The following ZBTB20 variants were observed in gnomAD, a reference collection of about 807,000 sequenced individuals.
ZBTB20 encodes the protein zinc finger and BTB domain containing 20, also known as zinc finger and BTB domain-containing protein 20.
In ZBTB20, 9 loss-of-function variants were observed where a neutral mutation model predicts 56.9. That is an observed-to-expected ratio of 0.16 (90% CI 0.10 to 0.28). ZBTB20 has a LOEUF of 0.28. Among genes scored for constraint, ZBTB20 ranks in the 10% least tolerant of loss-of-function variants. The pLI is 1.00. For synonymous variants in ZBTB20, 417 were observed against 420.7 expected, an observed-to-expected ratio of 0.99 and a Z score of 0.11; for missense variants, 655 against 1,003.0, an observed-to-expected ratio of 0.65 and a Z score of 4.69.
At position 114,671,413 on chromosome 3, in the gene ZBTB20, T is replaced by C. The variant is rs753374736; in HGVS notation, c.-295+22115A>G. On this transcript the variant is annotated intron_variant, in intron 6 of 11. Transcript: ENST00000675478. Reference sequence around the variant, plus strand: ...CCCCCCAAATAGTTTAAGCTTCTGGTAAAATCTTGATCTAGCCTAGGTATA... The same window carrying C: ...CCCCCCAAATAGTTTAAGCTTCTGGCAAAATCTTGATCTAGCCTAGGTATA... 3.1e-4 allele frequency among the ~76,000 whole-genome samples: 47 copies of C among 152,216 alleles called. No individual in the cohort carries two copies. In the Middle Eastern group the frequency reaches 0.014, roughly 44 times the overall value.
At chr3:114,532,630 G>A (rs746309829) in intron 6 of ZBTB20, among the ~76,000 whole-genome samples, 13 of 152,300 alleles carry the variant, frequency 8.5e-5, no homozygotes, top group East Asian at 1.9e-4. Context: ...CACAGAGCTC[G>A]AGCTCTCCTA....
At chr3:114,648,130 T>C (rs2059944233) in intron 6 of ZBTB20, among the ~76,000 whole-genome samples, 1 of 151,942 alleles carries the variant, frequency 6.6e-6, no homozygotes, top group Non-Finnish European at 1.5e-5. Flanking sequence ...CATTCCATTA[T>C]CCTCTTATTA....
intron 5 of ZBTB20, chr3:114,791,707 T>C (rs2070969708): frequency 6.6e-6 from 1 of 152,182 alleles, no homozygotes; most frequent in Non-Finnish European, 1.5e-5. Flanking sequence ...GCAAATTTTA[T>C]ATGGTCAAGA....
chr3:114,730,544 C>T (rs772262821), intron 5 of ZBTB20, among the ~76,000 whole-genome samples: 3 of 152,182 alleles, frequency 2.0e-5, no homozygotes, highest in Admixed American at 6.5e-5. Context: ...AAGGTTGGCA[C>T]TCTAATCCAC....
At chr3:114,568,354 T>C (rs2053032400) in intron 6 of ZBTB20, among the ~76,000 whole-genome samples, 1 of 152,184 alleles carries the variant, frequency 6.6e-6, no homozygotes, top group Admixed American at 6.5e-5. Flanking sequence ...AAACCATGTG[T>C]CTAAAAGAAA....
rs529230903 is a variant in ZBTB20 at position 114,387,460 on chromosome 3, A to G, written c.-154+1545T>C. On this transcript the variant is annotated intron_variant, in intron 8 of 11. Transcript: ENST00000675478. ...GTAAAAGCAGGCACTGGCATTCTGC[A>G]CAGATGAAATACTTCCTACGACAGG... 9.2e-5 allele frequency: 14 copies of G among 152,318 alleles called. No homozygotes were observed. The East Asian group carries it at 2.7e-3, about 29-fold the overall frequency. The allele number at this position is 152,318 out of a possible 1,614,324, so 9.4% of individuals were successfully genotyped here. A position where few individuals can be genotyped will look rare whatever the true frequency, so the allele number is the denominator to read the frequency against.
intron 6 of ZBTB20, among the ~76,000 whole-genome samples, chr3:114,672,866 T>C (rs2061426477): frequency 6.6e-6 from 1 of 152,136 alleles, no homozygotes; most frequent in Non-Finnish European, 1.5e-5. Context: ...TCACAAAATA[T>C]GGGTAAACAT....
intron 4 of ZBTB20, among the ~76,000 whole-genome samples, chr3:114,860,104 C>A (rs2075448018): frequency 6.6e-6 from 1 of 152,072 alleles, no homozygotes; most frequent in South Asian, 2.1e-4. Context: ...GTCAGGAGAT[C>A]AAGACCATCC....
chr3:114,718,636 A>G (rs1185970087), intron 5 of ZBTB20, among the ~76,000 whole-genome samples: 4 of 152,114 alleles, frequency 2.6e-5, no homozygotes, highest in Non-Finnish European at 5.9e-5. Context: ...TTTGGAGAGA[A>G]TCCCAATAAC....
At chr3:114,422,241 T>C (rs766853387) in intron 7 of ZBTB20, among the ~76,000 whole-genome samples, 3 of 152,182 alleles carry the variant, frequency 2.0e-5, no homozygotes, top group Non-Finnish European at 4.4e-5. Context: ...CCTGGAATTC[T>C]CACAATGGGA....
At chr3:114,785,700 T>A (rs1284734673) in intron 5 of ZBTB20, among the ~76,000 whole-genome samples, 1 of 152,080 alleles carries the variant, frequency 6.6e-6, no homozygotes, top group Non-Finnish European at 1.5e-5. Flanking sequence ...GGTTATCAAA[T>A]ACACATTACC....
At chr3:114,343,699 T>C (rs2079967778) in intron 11 of ZBTB20, among the ~76,000 whole-genome samples, 1 of 152,216 alleles carries the variant, frequency 6.6e-6, no homozygotes, top group African/African-American at 2.4e-5. Flanking sequence ...TGGAATCATA[T>C]GGAGCTTTTA....
intron 7 of ZBTB20, among the ~76,000 whole-genome samples, chr3:114,423,717 T>C (rs2718437): frequency 0.91 from 138,964 of 152,232 alleles, 64,774 homozygotes; most frequent in East Asian, 1. Flanking sequence ...ACTCTGATGT[T>C]CCAGTGTAAG....
At chr3:115,091,150 C>A (rs1051992453) in intron 1 of ZBTB20, among the ~76,000 whole-genome samples, 17 of 151,892 alleles carry the variant, frequency 1.1e-4, no homozygotes, top group Non-Finnish European at 4.4e-5. Flanking sequence ...ATGGAATATT[C>A]ATCCATTATA....
At chr3:114,579,531 C>A (rs2054428318) in intron 6 of ZBTB20, among the ~76,000 whole-genome samples, 1 of 148,174 alleles carries the variant, frequency 6.7e-6, no homozygotes. Context: ...AGAAAAATGG[C>A]CTAAAAATAT....
At chr3:114,985,398 A>G (rs956729478) in intron 2 of ZBTB20, among the ~76,000 whole-genome samples, 7 of 152,124 alleles carry the variant, frequency 4.6e-5, no homozygotes, top group African/African-American at 1.7e-4. Flanking sequence ...TTTAAGAGAT[A>G]GGTCCAAGAT....
At chr3:114,403,488 C>A (rs1265547380) in intron 7 of ZBTB20, among the ~76,000 whole-genome samples, 4 of 152,020 alleles carry the variant, frequency 2.6e-5, no homozygotes, top group African/African-American at 9.7e-5. Flanking sequence ...TCTGCTCTCA[C>A]CTATTTATAT....
At chr3:114,659,787 T>C (rs567359384) in intron 6 of ZBTB20, among the ~76,000 whole-genome samples, 22 of 152,254 alleles carry the variant, frequency 1.4e-4, no homozygotes, top group Admixed American at 7.2e-4. Context: ...AAGGAAAAGA[T>C]TTATGAAGTG....
At chr3:114,927,501 C>A (rs1169566304) in intron 3 of ZBTB20, among the ~76,000 whole-genome samples, 2 of 152,104 alleles carry the variant, frequency 1.3e-5, no homozygotes, top group Non-Finnish European at 2.9e-5. Context: ...CAGGCATGAG[C>A]CACCATACCT....
Sources: gnomAD v4.1 joint callset for allele counts (sites outside exome capture counted in the v4.1 genomes callset) on GRCh38, gnomAD v4.1.1 for gene constraint, MANE v1.5 for transcripts, NCBI Gene and HGNC (gene_info 2026-07-23, HGNC 2026-07-21) for gene names.